The following VDR variants were observed in gnomAD, a reference collection of about 807,000 sequenced individuals.
VDR encodes vitamin D receptor, also known as vitamin D3 receptor.
Under a neutral mutation model 39.7 loss-of-function variants are expected in VDR, and 19 were observed. The observed-to-expected ratio is 0.48, with a 90% CI of 0.33 to 0.70. The LOEUF (loss-of-function observed/expected upper bound fraction) is 0.70, where lower values mean the gene tolerates loss of function less well. Among genes scored for constraint, VDR ranks in the 30% least tolerant of loss-of-function variants. The probability of loss-of-function intolerance (pLI) is 0.02; values close to 1 mark genes in which losing one functional copy is unlikely to be tolerated. For synonymous variants in VDR, 242 were observed against 215.8 expected (o/e 1.12, Z -1.07); for missense variants, 442 against 570.5 (o/e 0.77, Z 2.29).
At chr12:47,884,682 G>A (rs1946221149) in intron 1 of VDR, among the ~76,000 whole-genome samples, 1 of 152,162 alleles carries the variant, frequency 6.6e-6, no homozygotes, top group African/African-American at 2.4e-5. Context: ...TTAGCTCTGA[G>A]TCATTTCTGC....
In VDR at chr12:47,846,408, C is replaced by T. The variant is rs778547682; in HGVS notation, c.951G>A (p.Gln317=). ...GCAAGTTCAGCTTCTTCAGTCCCAC[C>T]TGGAACTTGATGAGGGGCTCAATCA... The part of the protein sequence containing the change: ...LELIEPLIKF[Q]VGLKKLNLHE... Residue 317 remains glutamine (Q), a synonymous_variant, in exon 9 of 10, where the codon CAG becomes CAA. Transcript: ENST00000549336. The T allele has an allele frequency of 2.5e-6, 4 of 1,578,152 alleles. No individual in the cohort carries two copies. In the South Asian group the frequency reaches 3.5e-5, roughly 14 times the overall value.
At chr12:47,898,084 G>C (rs1047930820) in intron 1 of VDR, among the ~76,000 whole-genome samples, 1 of 152,182 alleles carries the variant, frequency 6.6e-6, no homozygotes, top group Admixed American at 6.5e-5. Flanking sequence ...GTGTTTGGGA[G>C]GATGTAGAAC....
At position 47,901,300 on chromosome 12, in the gene VDR, C is replaced by T. The variant is rs12721409; in HGVS notation, c.-84+3655G>A. 7.7e-3 allele frequency: 1,189 copies of T among 155,306 alleles called. 9 individuals carry two copies. The highest frequency in any genetic ancestry group is 0.01 in the Non-Finnish European group (711 of 68,328). 9.6% of individuals were successfully genotyped at this position (155,306 alleles called of 1,614,324 possible). ...GGACCTCTGGGGATCCCACCCTTTG[C>T]ATCTGGACCATGAGGACCCAGGACC... On this transcript the variant is annotated intron_variant, in intron 1 of 9. Transcript: ENST00000549336.
intron 2 of VDR, among the ~76,000 whole-genome samples, chr12:47,881,438 C>T (rs1164517139): frequency 2.0e-5 from 3 of 152,048 alleles, no homozygotes; most frequent in Admixed American, 2.0e-4. Context: ...CAGTATCTTG[C>T]AATATACCTT....
At chr12:47,901,903 G>A (rs377222926) in intron 1 of VDR, among the ~76,000 whole-genome samples, 21 of 152,330 alleles carry the variant, frequency 1.4e-4, no homozygotes, top group African/African-American at 4.8e-4. Context: ...CACACGAGTG[G>A]TGGGCTGGGT....
At chr12:47,884,037 T>A (rs746105376) in intron 1 of VDR, among the ~76,000 whole-genome samples, 2 of 150,394 alleles carry the variant, frequency 1.3e-5, no homozygotes, top group South Asian at 2.2e-4. Context: ...CTTTGCCCCC[T>A]CTGCTCCTAC....
chr12:47,875,119 T>C (rs897923075), intron 3 of VDR, among the ~76,000 whole-genome samples: 2 of 152,252 alleles, frequency 1.3e-5, no homozygotes, highest in Admixed American at 6.5e-5. Context: ...TGCCTGATCA[T>C]AGATCAATAG....
intron 1 of VDR, among the ~76,000 whole-genome samples, chr12:47,887,791 T>C (rs140107629): frequency 5.7e-4 from 87 of 152,334 alleles, no homozygotes; most frequent in Middle Eastern, 3.4e-3. Flanking sequence ...TAAGAACCTC[T>C]AAGAACATTT....
intron 3 of VDR, among the ~76,000 whole-genome samples, chr12:47,875,347 A>G (rs1565625379): frequency 6.6e-6 from 1 of 152,236 alleles, no homozygotes; most frequent in Non-Finnish European, 1.5e-5. Context: ...CTGTCTGTCA[A>G]TAACTATCAG....
intron 4 of VDR, 54 bp downstream of exon 4, chr12:47,864,993 C>A (rs1192314112): frequency 6.2e-7 from 1 of 1,608,422 alleles, no homozygotes; most frequent in Non-Finnish European, 8.5e-7. Flanking sequence ...GTGGCCAAGG[C>A]CTTTCCCTGA....
intron 4 of VDR, among the ~76,000 whole-genome samples, chr12:47,862,246 T>C (rs1241641979): frequency 1.3e-5 from 2 of 152,232 alleles, no homozygotes; most frequent in Non-Finnish European, 2.9e-5. Context: ...AAAATGAGTC[T>C]TTGGTGGGAC....
chr12:47,866,539 G>A (rs575824727), intron 3 of VDR, among the ~76,000 whole-genome samples: 14 of 152,188 alleles, frequency 9.2e-5, no homozygotes, highest in Admixed American at 4.6e-4. Context: ...CCTGTTCCAG[G>A]GATAGATGTG....
At chr12:47,892,885 G>A (rs1181165916) in intron 1 of VDR, among the ~76,000 whole-genome samples, 5 of 152,218 alleles carry the variant, frequency 3.3e-5, no homozygotes, top group African/African-American at 9.7e-5. Context: ...ACCTCTCCAC[G>A]GAGACAGGAA....
At chr12:47,856,255 G>T (rs757054673) in intron 6 of VDR, among the ~76,000 whole-genome samples, 5 of 152,192 alleles carry the variant, frequency 3.3e-5, no homozygotes, top group African/African-American at 4.8e-5. Flanking sequence ...GAGGGCTGGG[G>T]TGCTAAAGGA....
chr12:47,898,195 CTG>C lies in VDR; in HGVS notation c.-84+6758_-84+6759del, dbSNP rs570424518. 88 of 152,286 alleles carry C rather than the reference CTG, an allele frequency of 5.8e-4. 1 individual carries two copies. The highest frequency in any genetic ancestry group is 1.9e-3 in the African/African-American group (81 of 41,548). 9.4% of individuals were successfully genotyped at this position (152,286 alleles called of 1,614,324 possible). A position where few individuals can be genotyped will look rare whatever the true frequency, so the allele number is the denominator to read the frequency against. On this transcript the variant is annotated intron_variant, in intron 1 of 9. Coordinates refer to ENST00000549336, the MANE Select transcript of VDR (RefSeq NM_000376.3). ...AGCTCTCTCTGAGACATGTCTCAGG[CTG>C]TGACATGTATGTGGTCACCTGTACA... is the stretch of plus-strand genomic sequence containing the variant.
At chr12:47,897,934 C>T (rs1465906457) in intron 1 of VDR, among the ~76,000 whole-genome samples, 2 of 152,190 alleles carry the variant, frequency 1.3e-5, no homozygotes, top group African/African-American at 2.4e-5. Flanking sequence ...CCAGCAAACT[C>T]ATGGTTCTTA....
intron 2 of VDR, 47 bp downstream of exon 2, chr12:47,882,647 T>TAAAA: frequency 4.4e-6 from 1 of 227,958 alleles, no homozygotes; most frequent in Non-Finnish European, 7.8e-6. Flanking sequence ...CCCCGCCCCT[T>TAAAA]GAAAACAGAA....
rs556390492 is a variant in VDR, at chr12:47,862,675, T to A, written c.277+2372A>T. On this transcript the variant is annotated intron_variant, in intron 4 of 9. Coordinates refer to ENST00000549336, the MANE Select transcript of VDR (RefSeq NM_000376.3). ...GCAGGAGCCTGGGCTTTTAGCTTTC[T>A]TCCTGTGGTTTTACAAATATTGAGA... Among the ~76,000 whole-genome samples the A allele has an allele frequency of 4.6e-5, 7 of 152,366 alleles. 1 individual carries two copies. The South Asian group carries it at 1.4e-3, about 32-fold the overall frequency.
At chr12:47,845,383 G>C (rs942195966) in intron 9 of VDR, among the ~76,000 whole-genome samples, 11 of 151,618 alleles carry the variant, frequency 7.3e-5, no homozygotes, top group Middle Eastern at 3.2e-3. Context: ...TGATCCTTTG[G>C]ATAACAGCTT....
Sources: gnomAD v4.1 joint callset for allele counts (sites outside exome capture counted in the v4.1 genomes callset) on GRCh38, gnomAD v4.1.1 for gene constraint, MANE v1.5 for transcripts, NCBI Gene and HGNC (gene_info 2026-07-23, HGNC 2026-07-21) for gene names.